MLPH: variants seen among roughly 807,000 people sequenced by gnomAD.
MLPH encodes exophilin-3.
A neutral mutation model predicts 72.1 loss-of-function variants in MLPH; 51 were observed. The observed-to-expected ratio is 0.71, with a 90% CI of 0.56 to 0.89. The LOEUF is 0.89. Among genes scored for constraint, MLPH ranks in the 40% least tolerant of loss-of-function variants. The pLI, the probability that MLPH is intolerant of heterozygous loss-of-function variation, is 0.00. For missense variants in MLPH, 743 were observed against 759.9 expected, an observed-to-expected ratio of 0.98 and a Z score of 0.26; for synonymous variants, 301 against 310.1, an observed-to-expected ratio of 0.97 and a Z score of 0.31.
rs770091306 is a variant in MLPH at position 237,518,568 on chromosome 2, A to G, written c.475A>G (p.Ser159Gly). The G allele has an allele frequency of 2.5e-6, 4 of 1,613,744 alleles. No individual in the cohort carries two copies. The Admixed American group carries it at 6.7e-5, about 27-fold the overall frequency. ...AGPELISEER[S>G]GDSDQTDEDG... Reference sequence around the variant, plus strand: ...GCCTGAACTGATATCTGAAGAGAGAAGTGGAGACAGCGACCAGACAGATGA... The same window carrying G: ...GCCTGAACTGATATCTGAAGAGAGAGGTGGAGACAGCGACCAGACAGATGA... Residue 159 changes from serine to glycine, a missense_variant, in exon 5 of 16, where the codon AGT (serine) becomes GGT (glycine). Physicochemically the swap from Ser to Gly is moderately conservative, Grantham distance 56. Transcript: ENST00000264605.
rs537518041 is a variant in MLPH at position 237,529,111 on chromosome 2, C to T, written c.1020+1595C>T. On this transcript the variant is annotated intron_variant, in intron 8 of 15. Transcript: ENST00000264605. ...AGGCTGGAGTTTAGTGGAGCAATCT[C>T]GGCTCACTGCAAGCTCCGCCTCCTG... 8.5e-5 allele frequency among the ~76,000 whole-genome samples: 13 copies of T among 152,062 alleles called. No individual in the cohort carries two copies. In the East Asian group the frequency reaches 2.3e-3, roughly 27 times the overall value.
chr2:237,520,440 A>G (rs2106325071), intron 6 of MLPH, among the ~76,000 whole-genome samples: 1 of 152,006 alleles, frequency 6.6e-6, no homozygotes, highest in East Asian at 1.9e-4. Flanking sequence ...TGGGAGGGGA[A>G]CATACACTTT....
chr2:237,548,665 G>A (rs895778700), intron 13 of MLPH, among the ~76,000 whole-genome samples: 4 of 152,148 alleles, frequency 2.6e-5, no homozygotes, highest in African/African-American at 7.2e-5. Flanking sequence ...TCAGGAGATC[G>A]AGACCATTCT....
At chr2:237,494,077 C>G (rs756709504) in intron 2 of MLPH, among the ~76,000 whole-genome samples, 3 of 152,180 alleles carry the variant, frequency 2.0e-5, no homozygotes. Flanking sequence ...TCTTCTGGGC[C>G]CCCTTATCCT....
intron 4 of MLPH, among the ~76,000 whole-genome samples, chr2:237,514,749 C>G (rs558142106): frequency 2.6e-5 from 4 of 152,300 alleles, no homozygotes; most frequent in African/African-American, 7.2e-5. Context: ...CCTTTAAAAC[C>G]CTTGACAGCT....
chr2:237,497,647 G>A (rs1470012810), intron 2 of MLPH, among the ~76,000 whole-genome samples: 1 of 152,240 alleles, frequency 6.6e-6, no homozygotes, highest in African/African-American at 2.4e-5. Context: ...AATTGGTTCT[G>A]CAGAGGAGCT....
intron 1 of MLPH, among the ~76,000 whole-genome samples, chr2:237,490,278 A>G (rs759021467): frequency 1.3e-5 from 2 of 151,952 alleles, no homozygotes; most frequent in African/African-American, 4.8e-5. Context: ...GCAGTGAGCC[A>G]TGATTGCACT....
In MLPH at chr2:237,493,529, C is replaced by A. The variant is rs119473031; in HGVS notation, c.103C>A (p.Arg35=). Residue 35 remains arginine (R), a synonymous_variant, in exon 2 of 16, where the codon CGG becomes AGG. Coordinates refer to ENST00000264605, the MANE Select transcript of MLPH (RefSeq NM_024101.7). The part of the protein sequence containing the change: ...DFDLRRKEEE[R]LEALKGKIKK... Reference sequence around the variant, plus strand: ...TGACCTCCGAAGGAAAGAAGAGGAACGGCTAGAGTGAGTGTGCCGTGCTGA... The same window carrying A: ...TGACCTCCGAAGGAAAGAAGAGGAAAGGCTAGAGTGAGTGTGCCGTGCTGA... 6.2e-7 allele frequency: 1 copy of A among 1,612,934 alleles called. No individual in the cohort carries two copies. The highest frequency in any genetic ancestry group is 1.1e-5 in the South Asian group (1 of 91,056).
At chr2:237,527,648 A>C (rs1008551593) in intron 8 of MLPH, 132 bp downstream of exon 8, 1 of 1,126,832 alleles carries the variant, frequency 8.9e-7, no homozygotes. Flanking sequence ...AGCCTACTTA[A>C]TGGAGATACG....
rs2080669383 is a variant in MLPH at position 237,541,014 on chromosome 2, C to T, written c.1446+57C>T. 2 of 1,553,520 alleles carry T rather than the reference C, an allele frequency of 1.3e-6. No individual in the cohort carries two copies. The highest frequency in any genetic ancestry group is 8.7e-7 in the Non-Finnish European group (1 of 1,147,358). On this transcript the variant is annotated intron_variant, in intron 11 of 15. Transcript: ENST00000264605. The surrounding 1 kb of genome is among the most constrained non-coding windows in gnomAD (Gnocchi z 5.1). ...TCCACAAACACAGATGGTGACCACA[C>T]CCAGGCCTTGAACATCTGCCAGCTC...
intron 2 of MLPH, among the ~76,000 whole-genome samples, chr2:237,502,034 T>C (rs2079662894): frequency 1.3e-5 from 2 of 152,140 alleles, no homozygotes; most frequent in Admixed American, 6.5e-5. Context: ...TTTACTTTTG[T>C]GGAATTTTTC....
At chr2:237,545,602 T>C (rs1036880642) in intron 12 of MLPH, 76 of 1,287,204 alleles carry the variant, frequency 5.9e-5, no homozygotes, top group Non-Finnish European at 7.3e-5. Flanking sequence ...TGGATGTGAC[T>C]AGAACGGAGG....
Position 237,510,896 on chromosome 2 carries a change from C to T in MLPH, c.333-93C>T. Reference sequence around the variant, plus strand: ...AGAAGGGTGGACGCACACATGCACACACTCGTGTGTGTGTGTGTGTGTGTG... The same window carrying T: ...AGAAGGGTGGACGCACACATGCACATACTCGTGTGTGTGTGTGTGTGTGTG... On this transcript the variant is annotated intron_variant, in intron 3 of 15. Coordinates refer to ENST00000264605, the MANE Select transcript of MLPH (RefSeq NM_024101.7). This position sits in a 1 kb window ranked among gnomAD's most constrained non-coding sequence, Gnocchi z 4.4. 1 of 1,485,360 alleles carries T rather than the reference C, an allele frequency of 6.7e-7. No individual in the cohort carries two copies. The highest frequency in any genetic ancestry group is 1.7e-5 in the Admixed American group (1 of 57,410). The allele number at this position is 1,485,360 out of a possible 1,614,324, so 92.0% of individuals were successfully genotyped here. A position where few individuals can be genotyped will look rare whatever the true frequency, so the allele number is the denominator to read the frequency against.
In MLPH at chr2:237,511,026, C is replaced by A. The variant is rs1455134122; in HGVS notation, c.370C>A (p.His124Asn). The A allele has an allele frequency of 6.2e-7, 1 of 1,613,900 alleles. No individual in the cohort carries two copies. Among genetic ancestry groups the A allele is most frequent in the Non-Finnish European group, 8.5e-7 (1 of 1,179,986 alleles). ...KIGSLEWYYEHVKARFKRFGS... is the reference protein window; with the variant it reads ...KIGSLEWYYENVKARFKRFGS... The stretch of plus-strand genomic sequence containing the variant: ...CGGCTCACTGGAGTGGTACTATGAG[C>A]ATGTGAAAGCCCGCTTCAAGAGGTT... Residue 124 changes from histidine (H) to asparagine (N), a missense_variant, in exon 4 of 16, where the codon CAT becomes AAT. Transcript: ENST00000264605.
intron 8 of MLPH, among the ~76,000 whole-genome samples, chr2:237,530,343 C>T (rs186100375): frequency 6.6e-6 from 1 of 152,384 alleles, no homozygotes; most frequent in Admixed American, 6.5e-5. Context: ...GACATCCTGT[C>T]ACTTTGCTTC....
chr2:237,488,708 C>T (rs550412406), intron 1 of MLPH, among the ~76,000 whole-genome samples: 72 of 152,206 alleles, frequency 4.7e-4, no homozygotes, highest in Admixed American at 2.7e-3. Flanking sequence ...TTACTGAGTA[C>T]GACATGAGTG....
rs1574911392 is a variant in MLPH, at chr2:237,545,254, GGA to G, written c.1540-1351_1540-1350del. On this transcript the variant is annotated intron_variant, in intron 12 of 15. Transcript: ENST00000264605. ...GAGTGGGGCACAGTGGTGAGTGAGG[GGA>G]ACACAGCAACCCAGTTGAGTTGGTG... Among the ~76,000 whole-genome samples, 3 of 151,134 alleles carry G rather than the reference GGA, an allele frequency of 2.0e-5. No homozygotes were observed. The East Asian group carries it at 5.8e-4, about 29-fold the overall frequency.
rs763184902 is a variant in MLPH at position 237,525,653 on chromosome 2, G to A, written c.728G>A (p.Gly243Asp). 3.1e-6 allele frequency: 5 copies of A among 1,614,144 alleles called. No homozygotes were observed. The Admixed American group carries it at 8.3e-5, about 27-fold the overall frequency. Residue 243 changes from glycine to aspartate, a missense_variant, in exon 7 of 16, where the codon GGC (glycine) becomes GAC (aspartate). Physicochemically the swap from Gly to Asp is moderately conservative, Grantham distance 94. Transcript: ENST00000264605. ...SEKAAPHKAE[G>D]LEEADTGASG... Reference sequence around the variant, plus strand: ...AAGGCAGCCCCTCACAAGGCTGAGGGCCTGGAGGAGGCTGATACTGGGGCC... The same window carrying A: ...AAGGCAGCCCCTCACAAGGCTGAGGACCTGGAGGAGGCTGATACTGGGGCC...
chr2:237,498,897 T>C (rs13411687), intron 2 of MLPH, among the ~76,000 whole-genome samples: 12,521 of 152,194 alleles, frequency 0.082, 1,560 homozygotes, highest in African/African-American at 0.27. Flanking sequence ...TTAACACCCA[T>C]GTCCTATCCC....
Sources: gnomAD v4.1 joint callset for allele counts (sites outside exome capture counted in the v4.1 genomes callset) on GRCh38, gnomAD v4.1.1 for gene constraint, Gnocchi (gnomAD v3.1) non-coding constraint, MANE v1.5 for transcripts, NCBI Gene and HGNC (gene_info 2026-07-23, HGNC 2026-07-21) for gene names.